The following VRK2 variants were observed in gnomAD, a reference collection of about 807,000 sequenced individuals.
VRK2 encodes serine/threonine-protein kinase VRK2.
VRK2 carries 60 observed loss-of-function variants against 57.6 expected under a neutral mutation model. The observed-to-expected ratio is 1.04, with a 90% confidence interval of 0.85 to 1.29. VRK2 has a LOEUF of 1.29. Ranked by LOEUF, VRK2 falls within the 50% of genes most tolerant of loss-of-function variation. VRK2 has a pLI of 0.00. For missense variants in VRK2, 705 were observed against 588.1 expected (o/e 1.20, Z -2.06); for synonymous variants, 231 against 199.2 (o/e 1.16, Z -1.35).
At chr2:58,056,871 C>T (rs1013511027) in intron 2 of VRK2, among the ~76,000 whole-genome samples, 5 of 152,070 alleles carry the variant, frequency 3.3e-5, no homozygotes, top group South Asian at 2.1e-4. Flanking sequence ...AGACTGGAAG[C>T]GAGGAGGGTC....
At chr2:57,998,220 T>C (rs1672985971) in intron 1 of VRK2, among the ~76,000 whole-genome samples, 1 of 152,240 alleles carries the variant, frequency 6.6e-6, no homozygotes, top group African/African-American at 2.4e-5. Flanking sequence ...AGTATTACTA[T>C]GATAAGTAAT....
At chr2:57,920,218 C>T (rs1670296359) in intron 1 of VRK2, among the ~76,000 whole-genome samples, 1 of 152,096 alleles carries the variant, frequency 6.6e-6, no homozygotes, top group African/African-American at 2.4e-5. Context: ...GCAGTGCATA[C>T]ACTCTTCCCA....
intron 1 of VRK2, among the ~76,000 whole-genome samples, chr2:58,013,087 T>A (rs1291559929): frequency 1.3e-5 from 2 of 152,180 alleles, no homozygotes; most frequent in East Asian, 1.9e-4. Flanking sequence ...TATAAAAAAA[T>A]TTAATTCCAG....
chr2:58,154,531 A>C (rs1683501210), intron 12 of VRK2, among the ~76,000 whole-genome samples: 1 of 152,114 alleles, frequency 6.6e-6, no homozygotes, highest in Admixed American at 6.5e-5. Context: ...TTTCTAGTAC[A>C]AATATTTAGT....
At chr2:58,058,984 C>G (rs1211088976) in intron 2 of VRK2, among the ~76,000 whole-genome samples, 9 of 152,028 alleles carry the variant, frequency 5.9e-5, no homozygotes, top group Admixed American at 5.9e-4. Flanking sequence ...TCTAAAGTAA[C>G]AGCAAAATAT....
intron 1 of VRK2, among the ~76,000 whole-genome samples, chr2:57,939,506 A>C (rs1671023818): frequency 6.6e-6 from 1 of 152,182 alleles, no homozygotes; most frequent in Non-Finnish European, 1.5e-5. Flanking sequence ...CAGATTGTTC[A>C]TTTATTCAAA....
chr2:57,910,112 G>GA (rs748941982), intron 1 of VRK2, among the ~76,000 whole-genome samples: 277 of 133,476 alleles, frequency 2.1e-3, no homozygotes, highest in East Asian at 6.8e-3. Flanking sequence ...GAAGATAGAG[G>GA]AAAAAAAAAA....
chr2:57,941,542 C>G (rs1671093733), intron 1 of VRK2, among the ~76,000 whole-genome samples: 1 of 152,164 alleles, frequency 6.6e-6, no homozygotes, highest in Admixed American at 6.5e-5. Flanking sequence ...GACACCTTTT[C>G]TATATCGATC....
intron 1 of VRK2, among the ~76,000 whole-genome samples, chr2:57,990,983 G>A (rs1672748177): frequency 6.6e-6 from 1 of 151,882 alleles, no homozygotes; most frequent in Non-Finnish European, 1.5e-5. Flanking sequence ...ATGTCCATAG[G>A]GATAGATGGG....
intron 1 of VRK2, among the ~76,000 whole-genome samples, chr2:58,024,495 G>T (rs1298171446): frequency 2.6e-5 from 4 of 152,146 alleles, no homozygotes; most frequent in African/African-American, 9.7e-5. Context: ...ATTTGTAATA[G>T]TTAACAGCAG....
At chr2:58,056,747 T>C (rs746365645) in intron 2 of VRK2, among the ~76,000 whole-genome samples, 2 of 152,130 alleles carry the variant, frequency 1.3e-5, no homozygotes, top group Non-Finnish European at 2.9e-5. Context: ...TGTGGTGGCA[T>C]GTGATGCTTT....
At chr2:58,006,676 G>A (rs1209579797) in intron 1 of VRK2, among the ~76,000 whole-genome samples, 1 of 152,122 alleles carries the variant, frequency 6.6e-6, no homozygotes, top group South Asian at 2.1e-4. Flanking sequence ...AATCTCCAAG[G>A]CAAGGTGGGT....
rs530411033 is a variant in VRK2 at position 58,095,144 on chromosome 2, A to T, written c.543+5421A>T. ...CCCCACCTCTACTAAAAATACAAAA[A>T]TTATCCGGGCGTGGTGGCAGGTGCC... is the stretch of plus-strand genomic sequence containing the variant. On this transcript the variant is annotated intron_variant, in intron 7 of 12. Coordinates refer to ENST00000340157, the MANE Select transcript of VRK2 (RefSeq NM_006296.7). Among the ~76,000 whole-genome samples the T allele has an allele frequency of 7.9e-5, 12 of 152,132 alleles. No individual in the cohort carries two copies. In the East Asian group the frequency reaches 2.1e-3, roughly 27 times the overall value.
chr2:57,990,802 A>G (rs1403588371), intron 1 of VRK2, among the ~76,000 whole-genome samples: 1 of 152,136 alleles, frequency 6.6e-6, no homozygotes, highest in Non-Finnish European at 1.5e-5. Flanking sequence ...GAAAAGACTC[A>G]GTATGTAATC....
intron 2 of VRK2, among the ~76,000 whole-genome samples, chr2:58,072,456 A>G (rs980924955): frequency 5.9e-5 from 9 of 151,892 alleles, no homozygotes; most frequent in Non-Finnish European, 8.8e-5. Context: ...TATTTCTAGT[A>G]TTACTGTGAA....
At chr2:57,952,847 C>A (rs572024459) in intron 1 of VRK2, among the ~76,000 whole-genome samples, 6 of 151,986 alleles carry the variant, frequency 3.9e-5, no homozygotes, top group African/African-American at 1.4e-4. Flanking sequence ...TCCACTGAAA[C>A]CTAAAGTCTG....
intron 1 of VRK2, among the ~76,000 whole-genome samples, chr2:57,913,391 T>C (rs986110681): frequency 7.9e-5 from 12 of 152,162 alleles, no homozygotes; most frequent in Admixed American, 4.6e-4. Flanking sequence ...AAAAAAGTAG[T>C]TTTCCAAATA....
At chr2:58,037,375 A>G (rs17049318) in intron 3 of VRK2, among the ~76,000 whole-genome samples, 10,994 of 152,166 alleles carry the variant, frequency 0.072, 467 homozygotes, top group Non-Finnish European at 0.094. Flanking sequence ...AACTGAGCTC[A>G]AGGTCTATAG....
intron 1 of VRK2, among the ~76,000 whole-genome samples, chr2:57,999,362 G>C (rs72949109): frequency 0.017 from 2,661 of 152,154 alleles, 97 homozygotes; most frequent in African/African-American, 0.061. Context: ...TACATAGTTT[G>C]ATAATACATA....
Sources: allele counts gnomAD v4.1 joint callset (sites outside exome capture counted in the v4.1 genomes callset), GRCh38; gene constraint gnomAD v4.1.1; transcripts MANE v1.5; gene names NCBI Gene and HGNC (gene_info 2026-07-23, HGNC 2026-07-21).